NLRP7: variants seen among roughly 807,000 people sequenced by gnomAD.
NLRP7 encodes the protein NACHT, LRR and PYD domains-containing protein 7.
Under a neutral mutation model 85.5 loss-of-function variants are expected in NLRP7, and 72 were observed. That is an observed-to-expected ratio of 0.84 (90% CI 0.70 to 1.02). The LOEUF is 1.02. Ranked by LOEUF, NLRP7 falls within the 50% of genes least tolerant of loss-of-function variation. The pLI is 0.00. For synonymous variants in NLRP7, 550 were observed against 505.2 expected (o/e 1.09, Z -1.19); for missense variants, 1,243 against 1,219.5 (o/e 1.02, Z -0.29).
At chr19:54,958,155 G>A (rs1468406882) in intron 1 of NLRP7, among the ~76,000 whole-genome samples, 3 of 151,854 alleles carry the variant, frequency 2.0e-5, no homozygotes, top group African/African-American at 4.8e-5. Context: ...TTCTCCCTGA[G>A]GCACTTGCTA....
At chr19:54,943,401 A>G (rs1188826995) in intron 1 of NLRP7, among the ~76,000 whole-genome samples, 4 of 152,120 alleles carry the variant, frequency 2.6e-5, no homozygotes, top group Admixed American at 1.3e-4. Context: ...GGAGATCGAG[A>G]CCATCCTGGC....
rs540876401 is a variant in NLRP7 at position 54,934,749 on chromosome 19, G to T, written c.2301-90C>A. 2 of 1,101,292 alleles carry T rather than the reference G, an allele frequency of 1.8e-6. No homozygotes were observed. Among genetic ancestry groups the T allele is most frequent in the Non-Finnish European group, 2.6e-6 (2 of 775,122 alleles). The allele number at this position is 1,101,292 out of a possible 1,614,324, so 68.2% of individuals were successfully genotyped here. A position where few individuals can be genotyped will look rare whatever the true frequency, so the allele number is the denominator to read the frequency against. Reference sequence around the variant, plus strand: ...TTTTGAGACAGAGTTTCACTCTGTTGCCCAGTCTGGAATGCAAAGGCGTGA... The same window carrying T: ...TTTTGAGACAGAGTTTCACTCTGTTTCCCAGTCTGGAATGCAAAGGCGTGA... On this transcript the variant is annotated intron_variant, in intron 6 of 9. Coordinates refer to ENST00000340844, the Ensembl canonical transcript of NLRP7. The surrounding 1 kb of genome is among the most constrained non-coding windows in gnomAD (Gnocchi z 6.7).
Position 54,938,662 on chromosome 19 carries a change from G to C in NLRP7, c.1931+226C>G, listed in dbSNP as rs104895534. Among the ~76,000 whole-genome samples, 5,034 of 152,270 alleles carry C rather than the reference G, an allele frequency of 0.033. 265 individuals are homozygous for C. Among genetic ancestry groups the C allele is most frequent in the African/African-American group, 0.11 (4,595 of 41,564 alleles). On this transcript the variant is annotated intron_variant, in intron 4 of 9. Coordinates refer to ENST00000340844, the Ensembl canonical transcript of NLRP7. ...AATCACTTGAACCCGGGAGGCGGAG[G>C]TTGCAGTGAGCCAAGATCGCGCCAC...
chr19:54,941,596 T>G (rs1305315213), exon 2 of NLRP7: 1 of 1,613,926 alleles, frequency 6.2e-7, no homozygotes, highest in Non-Finnish European at 8.5e-7. Flanking sequence ...TGGGGTCTTC[T>G]GTAGCACGTC....
At position 54,933,566 on chromosome 19, in the gene NLRP7, T is replaced by C; in HGVS notation, c.2642+3A>G. The C allele has an allele frequency of 6.2e-7, 1 of 1,614,144 alleles. No homozygotes were observed. Among genetic ancestry groups the C allele is most frequent in the South Asian group, 1.1e-5 (1 of 91,086 alleles). On this transcript the variant is annotated splice_donor_region_variant and intron_variant, in intron 8 of 9. Coordinates refer to ENST00000340844, the Ensembl canonical transcript of NLRP7. ...CACACACACACACCCAGCAGGGACT[T>C]ACACCAAGGTCTGCAGTTTACAATC...
exon 4 of NLRP7, chr19:54,939,801 C>G: frequency 1.9e-6 from 3 of 1,614,054 alleles, no homozygotes; most frequent in Middle Eastern, 1.7e-4. Context: ...GCTTGGTCCT[C>G]GTCTCCAAAG....
At chr19:54,943,898 G>T (rs1220498589) in intron 1 of NLRP7, among the ~76,000 whole-genome samples, 9 of 152,164 alleles carry the variant, frequency 5.9e-5, no homozygotes, top group African/African-American at 2.2e-4. Flanking sequence ...AACATGTGCT[G>T]TGTCACACGT....
Position 54,952,593 on chromosome 19 carries a change from CA to C in NLRP7, c.-76-5089del, listed in dbSNP as rs766921015. Among the ~76,000 whole-genome samples the C allele has an allele frequency of 1.6e-3, 205 of 125,520 alleles. No homozygotes were observed. In the East Asian group the frequency reaches 0.018, roughly 11 times the overall value. 82.3% of individuals were successfully genotyped at this position (125,520 alleles called of 152,430 possible). A position where few individuals can be genotyped will look rare whatever the true frequency, so the allele number is the denominator to read the frequency against. On this transcript the variant is annotated intron_variant, in intron 1 of 2. Coordinates refer to the NLRP7 transcript ENST00000587103. The stretch of plus-strand genomic sequence containing the variant: ...TGGGTGACAAAGCAAAACTCCATCT[CA>C]AAAAAAAAAAAAACCCTAGACCCAA...
chr19:54,941,380 T>TCAA (rs2069212971), intron 2 of NLRP7, 55 bp downstream of exon 2: 1 of 586,906 alleles, frequency 1.7e-6, no homozygotes. Context: ...AGACTCCATC[T>TCAA]CAAAAAAAAA....
At position 54,934,967 on chromosome 19, in the gene NLRP7, G is replaced by C. The variant is rs1386744278; in HGVS notation, c.2301-308C>G. Among the ~76,000 whole-genome samples the C allele has an allele frequency of 1.3e-5, 2 of 152,112 alleles. No homozygotes were observed. The highest frequency in any genetic ancestry group is 4.8e-5 in the African/African-American group (2 of 41,428). On this transcript the variant is annotated intron_variant, in intron 6 of 9. Transcript: ENST00000340844. This position sits in a 1 kb window ranked among gnomAD's most constrained non-coding sequence, Gnocchi z 6.7. ...CCACCTTGGCCTACCGAAGTACTGGGATTACAGGTGTGAGCCACCGCGCCT... is the reference window on the plus strand; with the variant it reads ...CCACCTTGGCCTACCGAAGTACTGGCATTACAGGTGTGAGCCACCGCGCCT...
intron 3 of NLRP7, among the ~76,000 whole-genome samples, chr19:54,940,712 C>T (rs985118827): frequency 5.3e-5 from 8 of 151,744 alleles, no homozygotes; most frequent in African/African-American, 1.2e-4. Flanking sequence ...CCTGTAATCC[C>T]GGCTACTCAG....
intron 5 of NLRP7, among the ~76,000 whole-genome samples, chr19:54,937,294 A>T (rs894697110): frequency 6.6e-6 from 1 of 152,006 alleles, no homozygotes. Context: ...TTGGGTGACA[A>T]AATAATCTGT....
In NLRP7 at chr19:54,934,878, G is replaced by A. The variant is rs149108606; in HGVS notation, c.2301-219C>T. Reference sequence around the variant, plus strand: ...GCATTCGCCAATTTTTGTATTTTTAGTAGAGACGGGATTTCACCATGTTGG... The same window carrying A: ...GCATTCGCCAATTTTTGTATTTTTAATAGAGACGGGATTTCACCATGTTGG... On this transcript the variant is annotated intron_variant, in intron 6 of 9. Coordinates refer to ENST00000340844, the Ensembl canonical transcript of NLRP7. This position sits in a 1 kb window ranked among gnomAD's most constrained non-coding sequence, Gnocchi z 6.7. Among the ~76,000 whole-genome samples the A allele has an allele frequency of 1.3e-5, 2 of 152,094 alleles. No homozygotes were observed. Among genetic ancestry groups the A allele is most frequent in the East Asian group, 1.9e-4 (1 of 5,148 alleles).
In NLRP7 at chr19:54,961,883, C is replaced by T. The variant is rs564926281; in HGVS notation, c.-77+4157G>A. Among the ~76,000 whole-genome samples the T allele has an allele frequency of 8.2e-4, 123 of 150,842 alleles. 1 individual carries two copies. Among genetic ancestry groups the T allele is most frequent in the African/African-American group, 2.7e-3 (110 of 41,200 alleles). On this transcript the variant is annotated intron_variant, in intron 1 of 2. Transcript: ENST00000587103. The stretch of plus-strand genomic sequence containing the variant: ...CCATATTAAGAAGGTAGAAAAAGGT[C>T]GGGGGAAGTGGATGCCTGTAATCCC...
exon 3 of NLRP7, chr19:54,940,990 T>C: frequency 6.2e-7 from 1 of 1,611,616 alleles, no homozygotes; most frequent in Non-Finnish European, 8.5e-7. Flanking sequence ...ATCTATTTCT[T>C]GCACCTGTCC....
intron 1 of NLRP7, among the ~76,000 whole-genome samples, chr19:54,959,520 C>T (rs1568438013): frequency 6.6e-6 from 1 of 151,478 alleles, no homozygotes; most frequent in Non-Finnish European, 1.5e-5. Context: ...CTCACCAGCA[C>T]TTTGGGAGGC....
At chr19:54,950,939 G>T (rs189231051), upstream of NLRP7, among the ~76,000 whole-genome samples, 673 of 152,350 alleles carry the variant, frequency 4.4e-3, 1 homozygote, top group Non-Finnish European at 7.3e-3. Context: ...CCTAGGCAGA[G>T]GTCCCTGCGG....
exon 4 of NLRP7, chr19:54,939,030 G>A: frequency 4.3e-6 from 7 of 1,614,248 alleles, no homozygotes; most frequent in Non-Finnish European, 5.9e-6. Context: ...TTTGTCAGGT[G>A]AATAGAAATT....
chr19:54,950,325 G>T (rs371960389), upstream of NLRP7, among the ~76,000 whole-genome samples: 1 of 152,208 alleles, frequency 6.6e-6, no homozygotes, highest in East Asian at 1.9e-4. Flanking sequence ...GGCATTTCTC[G>T]TTAGGTGGAA....
Sources: allele counts gnomAD v4.1 joint callset (sites outside exome capture counted in the v4.1 genomes callset), GRCh38; gene constraint gnomAD v4.1.1; non-coding constraint Gnocchi (gnomAD v3.1); transcripts MANE v1.5; gene names NCBI Gene and HGNC (gene_info 2026-07-23, HGNC 2026-07-21).